LSAMP: variants seen among roughly 807,000 people sequenced by gnomAD.
LSAMP encodes limbic system-associated membrane protein.
A neutral mutation model predicts 38.6 loss-of-function variants in LSAMP; 7 were observed. That is an observed-to-expected ratio of 0.18 (90% CI 0.10 to 0.34). The LOEUF (loss-of-function observed/expected upper bound fraction) is 0.34, where lower values mean the gene tolerates loss of function less well. Ranked by LOEUF, LSAMP falls within the 10% of genes least tolerant of loss-of-function variation. The pLI is 1.00. For missense variants in LSAMP, 313 were observed against 420.0 expected (o/e 0.75, Z 2.23); for synonymous variants, 154 against 166.8 (o/e 0.92, Z 0.59).
intron 1 of LSAMP, among the ~76,000 whole-genome samples, chr3:116,371,968 TTAA>T (rs1184119068): frequency 3.9e-5 from 6 of 152,002 alleles, no homozygotes; most frequent in South Asian, 4.2e-4. Flanking sequence ...AGGAATAAAC[TTAA>T]TAATAAGAAA....
intron 1 of LSAMP, among the ~76,000 whole-genome samples, chr3:116,309,686 C>T (rs1429847390): frequency 2.0e-5 from 3 of 152,082 alleles, no homozygotes; most frequent in Non-Finnish European, 4.4e-5. Flanking sequence ...CCACACAAAC[C>T]GCTGGCCATG....
chr3:115,987,483 G>A (rs1939543640), intron 3 of LSAMP, among the ~76,000 whole-genome samples: 1 of 152,156 alleles, frequency 6.6e-6, no homozygotes, highest in Non-Finnish European at 1.5e-5. Flanking sequence ...GTGTTATTGA[G>A]ATTTCAGGAA....
intron 1 of LSAMP, among the ~76,000 whole-genome samples, chr3:116,366,494 G>A (rs2048355334): frequency 6.6e-6 from 1 of 152,104 alleles, no homozygotes; most frequent in Admixed American, 6.6e-5. Context: ...ATTCTCAGTG[G>A]TTCTTTGTGC....
At chr3:116,217,868 A>G (rs938054593) in intron 1 of LSAMP, among the ~76,000 whole-genome samples, 2 of 151,974 alleles carry the variant, frequency 1.3e-5, no homozygotes, top group Admixed American at 1.3e-4. Flanking sequence ...GACCATGAGA[A>G]CCCTTGAGGG....
intron 6 of LSAMP, among the ~76,000 whole-genome samples, chr3:115,811,563 AGT>A (rs72037804): frequency 0.12 from 18,128 of 150,108 alleles, 2,990 homozygotes; most frequent in African/African-American, 0.38. Context: ...ATTATGTGTG[AGT>A]GTGTGTGTGT....
chr3:115,920,351 G>T (rs1039404281), intron 3 of LSAMP, among the ~76,000 whole-genome samples: 6 of 151,824 alleles, frequency 4.0e-5, no homozygotes, highest in Non-Finnish European at 7.4e-5. Context: ...TCCAACACTT[G>T]TTATTTTCTA....
At chr3:115,875,225 C>T (rs571983674) in intron 3 of LSAMP, among the ~76,000 whole-genome samples, 61 of 152,164 alleles carry the variant, frequency 4.0e-4, no homozygotes, top group African/African-American at 1.2e-3. Flanking sequence ...AGAAGCGAGG[C>T]GAGTAACCTT....
At chr3:115,854,935 T>G (rs1935460361) in intron 3 of LSAMP, among the ~76,000 whole-genome samples, 2 of 152,194 alleles carry the variant, frequency 1.3e-5, no homozygotes, top group Non-Finnish European at 2.9e-5. Context: ...ATGGTAAATT[T>G]TAATGAGAAA....
intron 1 of LSAMP, among the ~76,000 whole-genome samples, chr3:116,258,192 T>C (rs1367158666): frequency 1.3e-5 from 2 of 152,136 alleles, no homozygotes; most frequent in Non-Finnish European, 2.9e-5. Flanking sequence ...ACCATTGCCT[T>C]TCTACAAAAT....
intron 3 of LSAMP, among the ~76,000 whole-genome samples, chr3:115,980,332 T>A (rs1939320363): frequency 6.6e-6 from 1 of 152,182 alleles, no homozygotes; most frequent in African/African-American, 2.4e-5. Context: ...CTTCTCTTTA[T>A]AATTTTGAAA....
intron 1 of LSAMP, among the ~76,000 whole-genome samples, chr3:116,190,018 G>GT (rs1710715937): frequency 6.7e-6 from 1 of 149,856 alleles, no homozygotes; most frequent in African/African-American, 2.5e-5. Flanking sequence ...ACCTTTCAAT[G>GT]TAAAAAATAA....
At chr3:115,973,536 C>G (rs568986631) in intron 3 of LSAMP, among the ~76,000 whole-genome samples, 1 of 152,172 alleles carries the variant, frequency 6.6e-6, no homozygotes, top group Admixed American at 6.5e-5. Flanking sequence ...AGTTCAAGAC[C>G]AGCCTGCTCC....
At chr3:116,239,362 G>C (rs1422238115) in intron 1 of LSAMP, among the ~76,000 whole-genome samples, 1 of 151,970 alleles carries the variant, frequency 6.6e-6, no homozygotes, top group South Asian at 2.1e-4. Context: ...TATAATTTCA[G>C]TTCCAAAAAT....
intron 3 of LSAMP, among the ~76,000 whole-genome samples, chr3:115,898,570 A>C (rs1403934778): frequency 6.6e-6 from 1 of 150,614 alleles, no homozygotes; most frequent in Non-Finnish European, 1.5e-5. Flanking sequence ...TAGTACCAAT[A>C]TATGATTGCC....
At chr3:116,341,183 C>A (rs899114340) in intron 1 of LSAMP, among the ~76,000 whole-genome samples, 2 of 151,660 alleles carry the variant, frequency 1.3e-5, no homozygotes, top group Non-Finnish European at 2.9e-5. Flanking sequence ...ACTCTCAAAA[C>A]CTTTATTAAG....
intron 3 of LSAMP, among the ~76,000 whole-genome samples, chr3:115,991,131 G>A (rs1013630583): frequency 6.6e-6 from 1 of 152,076 alleles, no homozygotes; most frequent in Middle Eastern, 3.4e-3. Context: ...ATGTTTGAGT[G>A]CATTTACTTC....
chr3:116,380,669 C>G (rs1007115588), intron 1 of LSAMP, among the ~76,000 whole-genome samples: 7 of 152,050 alleles, frequency 4.6e-5, no homozygotes, highest in Non-Finnish European at 8.8e-5. Flanking sequence ...ATATAAAGAG[C>G]TCTATAACTT....
intron 1 of LSAMP, among the ~76,000 whole-genome samples, chr3:116,372,908 A>G (rs116099360): frequency 0.026 from 3,898 of 151,240 alleles, 163 homozygotes; most frequent in African/African-American, 0.086. Context: ...GTGAAGAAGC[A>G]AATAAATTAA....
chr3:116,312,598 TCA>T (rs1300057200), intron 1 of LSAMP, among the ~76,000 whole-genome samples: 2 of 152,160 alleles, frequency 1.3e-5, no homozygotes, highest in African/African-American at 2.4e-5. Context: ...TTCACAATTC[TCA>T]CAGGCATTTG....
Sources: gnomAD v4.1 joint callset for allele counts (sites outside exome capture counted in the v4.1 genomes callset) on GRCh38, gnomAD v4.1.1 for gene constraint, MANE v1.5 for transcripts, NCBI Gene and HGNC (gene_info 2026-07-23, HGNC 2026-07-21) for gene names.